The following SIRT1 variants were observed in gnomAD, a reference collection of about 807,000 sequenced individuals.
SIRT1 encodes NAD-dependent protein deacetylase sirtuin-1.
In SIRT1, 24 loss-of-function variants were observed where a neutral mutation model predicts 67.9. The ratio of observed to expected loss-of-function variants is 0.35; its 90% CI spans 0.26 to 0.50. The LOEUF (loss-of-function observed/expected upper bound fraction) is 0.50. Among genes scored for constraint, SIRT1 ranks in the 20% least tolerant of loss-of-function variants. The pLI is 0.98. For synonymous variants in SIRT1, 378 were observed against 350.7 expected (o/e 1.08, Z -0.87); for missense variants, 873 against 937.2 (o/e 0.93, Z 0.89).
intron 8 of SIRT1, 36 bp downstream of exon 8, chr10:67,913,067 A>G (rs1002379384): frequency 1.3e-6 from 2 of 1,550,264 alleles, no homozygotes; most frequent in Non-Finnish European, 1.7e-6. Flanking sequence ...GAAAGTATAA[A>G]TGTCATAACA....
At chr10:67,899,212 CTT>C (rs1172155582) in intron 4 of SIRT1, among the ~76,000 whole-genome samples, 1 of 151,934 alleles carries the variant, frequency 6.6e-6, no homozygotes, top group East Asian at 1.9e-4. Flanking sequence ...AATCCGAGCA[CTT>C]TGGGATTTAG....
intron 5 of SIRT1, 30 bp downstream of exon 5, chr10:67,906,967 ATTTAT>A (rs1313640734): frequency 5.9e-6 from 9 of 1,520,738 alleles, no homozygotes; most frequent in Middle Eastern, 1.7e-4. Flanking sequence ...GTTTTCTGTA[ATTTAT>A]TTTAGTTTTA....
At chr10:67,916,123 AGTT>A (rs1450964676) in intron 8 of SIRT1, 139 bp from the exon 9 acceptor site, 9 of 707,996 alleles carry the variant, frequency 1.3e-5, no homozygotes, top group Non-Finnish European at 2.0e-5. Flanking sequence ...CATGCCTCCC[AGTT>A]GTTTTTAAAC....
rs1204284784 is a variant in SIRT1, at chr10:67,889,051, T to C, written c.717T>C (p.Asp239=). Residue 239 remains aspartate, a synonymous_variant, in exon 3 of 9, where the codon GAT becomes GAC. Coordinates refer to ENST00000212015, the MANE Select transcript of SIRT1 (RefSeq NM_012238.5). ...CACCAAAAAGGAAAAAAAGAAAAGA[T>C]ATTAATACAATTGAAGATGCTGTGA... is the stretch of plus-strand genomic sequence containing the variant. ...SEPPKRKKRK[D]INTIEDAVKL... 1 of 1,612,134 alleles carries C rather than the reference T, an allele frequency of 6.2e-7. No homozygotes were observed. The highest frequency in any genetic ancestry group is 1.7e-4 in the Middle Eastern group (1 of 6,058).
chr10:67,911,723 C>T (rs935800395), intron 7 of SIRT1, among the ~76,000 whole-genome samples: 5 of 145,948 alleles, frequency 3.4e-5, no homozygotes, highest in Non-Finnish European at 7.5e-5. Context: ...CTTCCTTCGT[C>T]CATCCTTCTG....
rs750671807 is a variant in SIRT1 at position 67,889,109 on chromosome 10, C to T, written c.775C>T (p.Leu259=). ...GCAAGAGTGCAAAAAAATTATAGTT[C>T]TAACTGGAGCTGGGGTATGTAAGAC... The part of the protein sequence containing the change: ...LLQECKKIIV[L]TGAGVSVSCG... The change falls in exon 3 of 9, where the codon CTA becomes TTA. Residue 259 remains leucine, a synonymous_variant. Transcript: ENST00000212015. 2 of 1,600,348 alleles carry T rather than the reference C, an allele frequency of 1.2e-6. No individual in the cohort carries two copies. Among genetic ancestry groups the T allele is most frequent in the African/African-American group, 2.7e-5 (2 of 74,706 alleles).
intron 4 of SIRT1, among the ~76,000 whole-genome samples, chr10:67,898,302 A>G (rs912495543): frequency 1.3e-5 from 2 of 151,664 alleles, no homozygotes; most frequent in African/African-American, 4.8e-5. Context: ...AAGGGACTAT[A>G]CTATGTTCGA....
rs2394445 is a variant in SIRT1 at position 67,916,803 on chromosome 10, A to T, written c.*210A>T. The T allele has an allele frequency of 0.29, 53,422 of 184,294 alleles. 4,984 individuals are homozygous for T. Among genetic ancestry groups the T allele is most frequent in the African/African-American group, 0.45 (16,184 of 36,266 alleles). 11.4% of individuals were successfully genotyped at this position (184,294 alleles called of 1,614,324 possible). On this transcript the variant is annotated 3_prime_UTR_variant, in exon 9 of 9. Coordinates refer to ENST00000212015, the MANE Select transcript of SIRT1 (RefSeq NM_012238.5). ...ACTCAACACTAACTTTTTTTTTTTT[A>T]AAAAAAAAAAGGTACTAAGTATCTT...
chr10:67,891,636 T>G, intron 4 of SIRT1, 82 bp downstream of exon 4: 1 of 1,385,736 alleles, frequency 7.2e-7, no homozygotes, highest in Non-Finnish European at 1.0e-6. Flanking sequence ...CTTAAGGTTA[T>G]CGTTCATTGT....
chr10:67,905,502 C>T (rs1348270675), intron 4 of SIRT1, among the ~76,000 whole-genome samples: 1 of 152,124 alleles, frequency 6.6e-6, no homozygotes, highest in Non-Finnish European at 1.5e-5. Flanking sequence ...TAGCTGTTAA[C>T]GGAATTCACT....
chr10:67,884,754 C>G lies in SIRT1; in HGVS notation c.33C>G (p.Pro11=). 8.1e-7 allele frequency: 1 copy of G among 1,228,148 alleles called. No individual in the cohort carries two copies. 76.1% of individuals were successfully genotyped at this position (1,228,148 alleles called of 1,614,324 possible). ...ACGAGGCGGCCCTCGCCCTTCAGCC[C>G]GGCGGCTCCCCCTCGGCGGCGGGGG... MADEAALALQ[P]GGSPSAAGAD... The change falls in exon 1 of 9, where the codon CCC becomes CCG. Residue 11 remains proline, a synonymous_variant. Transcript: ENST00000212015.
intron 4 of SIRT1, among the ~76,000 whole-genome samples, chr10:67,893,638 G>A (rs1001616012): frequency 1.4e-5 from 2 of 147,676 alleles, no homozygotes; most frequent in South Asian, 4.3e-4. Flanking sequence ...TCCACTTCCC[G>A]AGTTCAAGAG....
Position 67,911,615 on chromosome 10 carries a change from CT to C in SIRT1, c.1358-858del, listed in dbSNP as rs1280316496. 1.1e-4 allele frequency among the ~76,000 whole-genome samples: 15 copies of C among 140,138 alleles called. No individual in the cohort carries two copies. In the East Asian group the frequency reaches 1.1e-3, roughly 10 times the overall value. 91.9% of individuals were successfully genotyped at this position (140,138 alleles called of 152,430 possible). On this transcript the variant is annotated intron_variant, in intron 7 of 8. Coordinates refer to ENST00000212015, the MANE Select transcript of SIRT1 (RefSeq NM_012238.5). ...TTTATATGACTTTTTCCCTCCCCCC[CT>C]CCCCTCCCTCCCTCCCTTCCGTTTG...
intron 4 of SIRT1, among the ~76,000 whole-genome samples, chr10:67,896,030 C>T (rs1033445199): frequency 4.6e-5 from 7 of 152,180 alleles, no homozygotes; most frequent in African/African-American, 1.4e-4. Context: ...GAGTCTCCCA[C>T]GCCCAGCCCT....
At chr10:67,913,225 AGTGCTC>A (rs1842925954) in intron 8 of SIRT1, among the ~76,000 whole-genome samples, 194 bp downstream of exon 8, 3 of 152,202 alleles carry the variant, frequency 2.0e-5, no homozygotes, top group African/African-American at 7.2e-5. Flanking sequence ...AGTGTTTAAT[AGTGCTC>A]TGTATGTTGT....
chr10:67,904,623 A>T (rs1013473455), intron 4 of SIRT1, among the ~76,000 whole-genome samples: 1 of 152,104 alleles, frequency 6.6e-6, no homozygotes, highest in Non-Finnish European at 1.5e-5. Flanking sequence ...AGGTGGGCGG[A>T]TCACCTGAGG....
At chr10:67,909,524 T>C (rs937077186) in intron 7 of SIRT1, 82 bp downstream of exon 7, 1 of 1,129,496 alleles carries the variant, frequency 8.9e-7, no homozygotes, top group Non-Finnish European at 1.2e-6. Flanking sequence ...GCTAGTAATC[T>C]TAACTCTGCT....
Position 67,884,983 on chromosome 10 carries a change from G to A in SIRT1, c.262G>A (p.Gly88Arg). Reference sequence around the variant, plus strand: ...GGAGGCAGAGGCGGCGGCGGCAGGCGGGGAGCAAGAGGCCCAGGCGACTGC... The same window carrying A: ...GGAGGCAGAGGCGGCGGCGGCAGGCAGGGAGCAAGAGGCCCAGGCGACTGC... ...EAEAEAAAAG[G>R]EQEAQATAAA... The change falls in exon 1 of 9, where the codon GGG becomes AGG. Residue 88 changes from glycine (G) to arginine (R), a missense_variant. Physicochemically the swap from Gly to Arg is moderately radical, Grantham distance 125 (BLOSUM62 -2). This residue lies in a region of SIRT1 where 327 missense variants were observed against 283.9 expected (regional missense o/e 1.15). Transcript: ENST00000212015. 7.9e-7 allele frequency: 1 copy of A among 1,270,310 alleles called. No individual in the cohort carries two copies. Among genetic ancestry groups the A allele is most frequent in the African/African-American group, 1.5e-5 (1 of 64,568 alleles). 78.7% of individuals were successfully genotyped at this position (1,270,310 alleles called of 1,614,324 possible).
intron 1 of SIRT1, among the ~76,000 whole-genome samples, chr10:67,886,053 C>G (rs1310136799): frequency 1.4e-5 from 2 of 145,148 alleles, no homozygotes; most frequent in Non-Finnish European, 3.0e-5. Flanking sequence ...TCAACCGATT[C>G]TCCTTCAGCC....
Sources: gnomAD v4.1 joint callset for allele counts (sites outside exome capture counted in the v4.1 genomes callset) on GRCh38, gnomAD v4.1.1 for gene constraint, gnomAD v4.1.1 regional missense constraint, MANE v1.5 for transcripts, NCBI Gene and HGNC (gene_info 2026-07-23, HGNC 2026-07-21) for gene names.